Variants in NELFE observed in about 807,000 individuals in gnomAD.
NELFE encodes negative elongation factor complex member E, also known as negative elongation factor E.
A neutral mutation model predicts 55.5 loss-of-function variants in NELFE; 26 were observed. The observed-to-expected ratio is 0.47, with a 90% CI of 0.34 to 0.65. The LOEUF (loss-of-function observed/expected upper bound fraction) is 0.65, where lower values mean the gene tolerates loss of function less well. NELFE is among the 30% of genes least tolerant of loss of function. The pLI, the probability that NELFE is intolerant of heterozygous loss-of-function variation, is 0.01. For synonymous variants in NELFE, 162 were observed against 178.0 expected (o/e 0.91, Z 0.72); for missense variants, 403 against 506.9 (o/e 0.80, Z 1.97).
intron 4 of NELFE, among the ~76,000 whole-genome samples, chr6:31,956,088 G>A (rs1772070949): frequency 1.3e-5 from 2 of 152,032 alleles, no homozygotes; most frequent in African/African-American, 2.4e-5. Flanking sequence ...CCGCCACCAC[G>A]CCCGGCTAAT....
At chr6:31,955,451 T>TTA (rs1554287785) in intron 4 of NELFE, among the ~76,000 whole-genome samples, 158 bp from the exon 5 acceptor site, 4 of 146,726 alleles carry the variant, frequency 2.7e-5, no homozygotes, top group African/African-American at 1.0e-4. Flanking sequence ...TTTACTTATT[T>TTA]TTTTTTTTTT....
chr6:31,953,709 AG>A lies in NELFE; in HGVS notation c.1045+19del. ...TGGCCTGTGGGGGAGAGGATGGGAA[AG>A]GAAGAATCCCATTCTTACCGAGGGA... On this transcript the variant is annotated intron_variant, in intron 10 of 10. Transcript: ENST00000375429. The A allele has an allele frequency of 1.3e-6, 2 of 1,586,156 alleles. No individual in the cohort carries two copies. Among genetic ancestry groups the A allele is most frequent in the Non-Finnish European group, 1.7e-6 (2 of 1,155,514 alleles).
At position 31,952,231 on chromosome 6, in the gene NELFE, G is replaced by T; in HGVS notation, c.*70C>A. 6.9e-7 allele frequency: 1 copy of T among 1,449,746 alleles called. No homozygotes were observed. The highest frequency in any genetic ancestry group is 9.6e-7 in the Non-Finnish European group (1 of 1,039,836). 89.8% of individuals were successfully genotyped at this position (1,449,746 alleles called of 1,614,324 possible). On this transcript the variant is annotated 3_prime_UTR_variant, in exon 11 of 11. Coordinates refer to ENST00000375429, the MANE Select transcript of NELFE (RefSeq NM_002904.6). The stretch of plus-strand genomic sequence containing the variant: ...ACCAGAGGCTGAGGGAGATGTGTAA[G>T]CTTCCACCTCAGTGTTTTACTGAGA...
intron 9 of NELFE, 80 bp from the exon 10 acceptor site, chr6:31,953,911 T>A (rs1482924593): frequency 2.2e-6 from 3 of 1,387,672 alleles, no homozygotes; most frequent in Non-Finnish European, 3.1e-6. Context: ...GGAGTTGCTA[T>A]CCTAGGAGGA....
Position 31,954,183 on chromosome 6 carries a change from G to A in NELFE, c.888-49C>T, listed in dbSNP as rs1771927346. The A allele has an allele frequency of 6.2e-7, 1 of 1,611,600 alleles. No individual in the cohort carries two copies. The highest frequency in any genetic ancestry group is 8.5e-7 in the Non-Finnish European group (1 of 1,177,826). On this transcript the variant is annotated intron_variant, in intron 8 of 10. Transcript: ENST00000375429. This position sits in a 1 kb window ranked among gnomAD's most constrained non-coding sequence, Gnocchi z 5.5. The stretch of plus-strand genomic sequence containing the variant: ...AGTGGAGAGCCAAGGGGCTCTTCTG[G>A]ACCCAACCAAACCCAGTGATAATAG...
At chr6:31,958,180 G>A in intron 2 of NELFE, 192 bp downstream of exon 2, 1 of 613,920 alleles carries the variant, frequency 1.6e-6, no homozygotes. Flanking sequence ...ACAATCCATG[G>A]CAAATTGCAT....
intron 10 of NELFE, among the ~76,000 whole-genome samples, chr6:31,952,866 C>G (rs1285108976): frequency 1.3e-5 from 2 of 152,224 alleles, no homozygotes; most frequent in Non-Finnish European, 2.9e-5. Context: ...CTAGCTCCAC[C>G]AGAACTCATT....
rs755744281 is a variant in NELFE at position 31,956,905 on chromosome 6, C to A, written c.145+36G>T. 2.5e-6 allele frequency: 4 copies of A among 1,612,640 alleles called. No individual in the cohort carries two copies. The East Asian group carries it at 8.9e-5, about 36-fold the overall frequency. ...TGATGAAGGTCAGCTCCATGCTGCC[C>A]ACTTCCAGTCCATCCCCATTTCCCC... On this transcript the variant is annotated intron_variant, in intron 3 of 10. Transcript: ENST00000375429.
Position 31,952,404 on chromosome 6 carries a change from G to C in NELFE, c.1046-6C>G, listed in dbSNP as rs1771829296. 6.2e-7 allele frequency: 1 copy of C among 1,601,548 alleles called. No homozygotes were observed. The highest frequency in any genetic ancestry group is 8.6e-7 in the Non-Finnish European group (1 of 1,168,948). On this transcript the variant is annotated splice_polypyrimidine_tract_variant and splice_region_variant and intron_variant, in intron 10 of 10. Coordinates refer to ENST00000375429, the MANE Select transcript of NELFE (RefSeq NM_002904.6). ...CTTAGGGCTGTTCTGGACAGCTAGG[G>C]AGGGAGGAGAGGAACAGTTAAGGTC...
chr6:31,952,404 G>A lies in NELFE; in HGVS notation c.1046-6C>T. 6.2e-7 allele frequency: 1 copy of A among 1,601,548 alleles called. No homozygotes were observed. Among genetic ancestry groups the A allele is most frequent in the East Asian group, 2.2e-5 (1 of 44,802 alleles). On this transcript the variant is annotated splice_polypyrimidine_tract_variant and splice_region_variant and intron_variant, in intron 10 of 10. Transcript: ENST00000375429. ...CTTAGGGCTGTTCTGGACAGCTAGGGAGGGAGGAGAGGAACAGTTAAGGTC... is the reference window on the plus strand; with the variant it reads ...CTTAGGGCTGTTCTGGACAGCTAGGAAGGGAGGAGAGGAACAGTTAAGGTC...
chr6:31,954,247 C>T lies in NELFE; in HGVS notation c.887+51G>A, dbSNP rs765339498. 6.2e-7 allele frequency: 1 copy of T among 1,610,596 alleles called. No individual in the cohort carries two copies. The highest frequency in any genetic ancestry group is 1.3e-5 in the African/African-American group (1 of 74,754). On this transcript the variant is annotated intron_variant, in intron 8 of 10. Coordinates refer to ENST00000375429, the MANE Select transcript of NELFE (RefSeq NM_002904.6). The surrounding 1 kb of genome is among the most constrained non-coding windows in gnomAD (Gnocchi z 5.5). ...GGGCAGCTTCTTCCCTCAGGTCTCA[C>T]ACCCCAGGATTCTCCCAGGACTTCT...
Position 31,957,219 on chromosome 6 carries a change from G to C in NELFE, c.76-209C>G, listed in dbSNP as rs141591103. 3.2e-3 allele frequency: 1,992 copies of C among 616,110 alleles called. 37 individuals are homozygous for C. The African/African-American group carries it at 0.033, about 10-fold the overall frequency. 38.2% of individuals were successfully genotyped at this position (616,110 alleles called of 1,614,324 possible). A position where few individuals can be genotyped will look rare whatever the true frequency, so the allele number is the denominator to read the frequency against. ...TCTAACCAAACCACGGAACCCAGAG[G>C]TTTTCCAGAGTGTTACATTTTTGAA... On this transcript the variant is annotated intron_variant, in intron 2 of 10. Transcript: ENST00000375429.
At chr6:31,957,424 G>A (rs2151798441) in intron 2 of NELFE, 2 of 476,110 alleles carry the variant, frequency 4.2e-6, no homozygotes, top group South Asian at 3.1e-5. Context: ...CTACCCTCAA[G>A]AAGCTTACAG....
In NELFE at chr6:31,954,396, A is replaced by T; in HGVS notation, c.789T>A (p.Thr263=). Residue 263 remains threonine, a synonymous_variant, in exon 8 of 11, where the codon ACT becomes ACA. Transcript: ENST00000375429. This position sits in a 1 kb window ranked among gnomAD's most constrained non-coding sequence, Gnocchi z 5.5. ...TCATGTCTTCTCCATATACATAGAGAGTATTCCCTTTCCTAGGGGCTCGCC... is the reference window on the plus strand; with the variant it reads ...TCATGTCTTCTCCATATACATAGAGTGTATTCCCTTTCCTAGGGGCTCGCC... ...PERRAPRKGN[T]LYVYGEDMTP... is the part of the protein sequence containing the mutation. 6.2e-7 allele frequency: 1 copy of T among 1,611,682 alleles called. No individual in the cohort carries two copies. Among genetic ancestry groups the T allele is most frequent in the Non-Finnish European group, 8.5e-7 (1 of 1,179,016 alleles).
chr6:31,954,021 GAGGAGAACAC>G lies in NELFE; in HGVS notation c.942+49_942+58del, dbSNP rs1202013698. 1.3e-6 allele frequency: 2 copies of G among 1,569,478 alleles called. No individual in the cohort carries two copies. The highest frequency in any genetic ancestry group is 1.7e-5 in the Admixed American group (1 of 58,918). ...ACTTCTTCCTGGCATCTAGTATTTT[GAGGAGAACAC>G]ATGAGAACAGCAGAAGCGATGGGAA... On this transcript the variant is annotated intron_variant, in intron 9 of 10. Coordinates refer to ENST00000375429, the MANE Select transcript of NELFE (RefSeq NM_002904.6). This position sits in a 1 kb window ranked among gnomAD's most constrained non-coding sequence, Gnocchi z 5.5.
In NELFE at chr6:31,954,081, T is replaced by C; in HGVS notation, c.941A>G (p.Glu314Gly). Residue 314 changes from glutamate to glycine, a missense_variant and splice_region_variant, in exon 9 of 11, where the codon GAG (glutamate) becomes GGG (glycine). Glu to Gly is a moderately conservative substitution (Grantham distance 98, BLOSUM62 -2). Coordinates refer to ENST00000375429, the MANE Select transcript of NELFE (RefSeq NM_002904.6). The surrounding 1 kb of genome is among the most constrained non-coding windows in gnomAD (Gnocchi z 5.5). ...KMESADQAVAELNGTQVESVQ... is the reference protein window; with the variant it reads ...KMESADQAVAGLNGTQVESVQ... ...AGAACAGATTTGGGAAGTTCCAACC[T>C]CAGCAACGGCCTGATCTGCTGACTC... 1 of 1,613,554 alleles carries C rather than the reference T, an allele frequency of 6.2e-7. No homozygotes were observed. The highest frequency in any genetic ancestry group is 1.7e-5 in the Admixed American group (1 of 60,006).
intron 10 of NELFE, 91 bp downstream of exon 10, chr6:31,953,637 CG>C (rs1771892290): frequency 9.2e-7 from 1 of 1,092,438 alleles, no homozygotes; most frequent in Non-Finnish European, 1.4e-6. Flanking sequence ...ACTCTGACCT[CG>C]ATCATCTCTA....
Position 31,958,904 on chromosome 6 carries a change from C to T in NELFE, c.-21G>A. 2 of 594,292 alleles carry T rather than the reference C, an allele frequency of 3.4e-6. No homozygotes were observed. The highest frequency in any genetic ancestry group is 5.6e-5 in the East Asian group (2 of 35,484). The allele number at this position is 594,292 out of a possible 1,614,324, so 36.8% of individuals were successfully genotyped here. Reference sequence around the variant, plus strand: ...CAGAGGGCCTTACCCGAGGGGGCGGCAACCGGGGGCCCCACGGTCTCCGGC... The same window carrying T: ...CAGAGGGCCTTACCCGAGGGGGCGGTAACCGGGGGCCCCACGGTCTCCGGC... On this transcript the variant is annotated 5_prime_UTR_variant, in exon 1 of 11. Transcript: ENST00000375429.
At chr6:31,958,781 G>T in intron 1 of NELFE, 111 bp downstream of exon 1, 1 of 690,082 alleles carries the variant, frequency 1.4e-6, no homozygotes, top group Non-Finnish European at 2.6e-6. Context: ...GGGTTTGAAC[G>T]GCAGAGAAGG....
Sources: allele counts gnomAD v4.1 joint callset (sites outside exome capture counted in the v4.1 genomes callset), GRCh38; gene constraint gnomAD v4.1.1; non-coding constraint Gnocchi (gnomAD v3.1); transcripts MANE v1.5; gene names NCBI Gene and HGNC (gene_info 2026-07-23, HGNC 2026-07-21).